The following TAFA5 variants were observed in gnomAD, a reference collection of about 807,000 sequenced individuals.
The protein encoded by TAFA5 is chemokine-like protein TAFA-5.
Under a neutral mutation model 15.3 loss-of-function variants are expected in TAFA5, and 6 were observed. The observed-to-expected ratio is 0.39, with a 90% CI of 0.21 to 0.77. The LOEUF (loss-of-function observed/expected upper bound fraction) is 0.77, where lower values mean the gene tolerates loss of function less well. TAFA5 is among the 30% of genes least tolerant of loss of function. The pLI, the probability that TAFA5 is intolerant of heterozygous loss-of-function variation, is 0.41. For synonymous variants in TAFA5, 103 were observed against 80.7 expected (o/e 1.28, Z -1.48); for missense variants, 161 against 193.1 (o/e 0.83, Z 0.98).
intron 1 of TAFA5, among the ~76,000 whole-genome samples, chr22:48,504,594 A>G (rs1920975775): frequency 6.9e-6 from 1 of 145,684 alleles, no homozygotes; most frequent in African/African-American, 2.8e-5. Context: ...GGAAGGACAC[A>G]GAGCTTCACA....
chr22:48,632,702 A>T (rs1390477789), intron 1 of TAFA5, among the ~76,000 whole-genome samples: 1 of 152,148 alleles, frequency 6.6e-6, no homozygotes, highest in Non-Finnish European at 1.5e-5. Context: ...GAGGTTTTTC[A>T]GTCATGGATG....
At chr22:48,655,155 G>A in intron 2 of TAFA5, among the ~76,000 whole-genome samples, 1 of 152,114 alleles carries the variant, frequency 6.6e-6, no homozygotes, top group Non-Finnish European at 1.5e-5. Flanking sequence ...GGCATGAGTG[G>A]GGGTCCACTC....
At chr22:48,693,391 A>T (rs1394973051) in intron 2 of TAFA5, 1 of 1,612,352 alleles carries the variant, frequency 6.2e-7, no homozygotes, top group Non-Finnish European at 8.5e-7. Context: ...GGTGAGTCGG[A>T]GATCCGTGCG....
intron 2 of TAFA5, among the ~76,000 whole-genome samples, chr22:48,692,979 C>T (rs1185190272): frequency 2.6e-5 from 4 of 152,196 alleles, no homozygotes; most frequent in Non-Finnish European, 5.9e-5. Flanking sequence ...ATCTTGAGAA[C>T]AGTGTAAGAA....
intron 2 of TAFA5, among the ~76,000 whole-genome samples, chr22:48,692,262 G>A (rs77720938): frequency 0.016 from 2,424 of 152,278 alleles, 105 homozygotes; most frequent in East Asian, 0.12. Flanking sequence ...CAGTAGGTCA[G>A]CAAATGGGGC....
chr22:48,725,302 A>AT (rs113463975), intron 3 of TAFA5, among the ~76,000 whole-genome samples: 2,645 of 150,258 alleles, frequency 0.018, 78 homozygotes, highest in African/African-American at 0.06. Context: ...TTAAAAGGGC[A>AT]TTTTTTTTTT....
intron 3 of TAFA5, among the ~76,000 whole-genome samples, chr22:48,723,185 G>C (rs961253975): frequency 2.6e-5 from 4 of 152,162 alleles, no homozygotes; most frequent in African/African-American, 9.7e-5. Flanking sequence ...CCAGATAGCA[G>C]CACACAGGAT....
At chr22:48,576,591 C>A in intron 1 of TAFA5, 1 of 1,432,692 alleles carries the variant, frequency 7.0e-7, no homozygotes, top group Non-Finnish European at 9.3e-7. Context: ...CCCGGGCGCG[C>A]GGACCGGTCC....
chr22:48,525,253 C>T (rs1330449770), intron 1 of TAFA5, among the ~76,000 whole-genome samples: 2 of 152,140 alleles, frequency 1.3e-5, no homozygotes, highest in African/African-American at 4.8e-5. Context: ...GGACATCCCT[C>T]GGCCCAGGGG....
intron 2 of TAFA5, among the ~76,000 whole-genome samples, chr22:48,699,944 C>G (rs1285907646): frequency 6.6e-6 from 1 of 152,144 alleles, no homozygotes; most frequent in Non-Finnish European, 1.5e-5. Context: ...TGAGCTCCTG[C>G]CTCTTCTTCC....
intron 3 of TAFA5, among the ~76,000 whole-genome samples, chr22:48,736,701 C>T (rs923306513): frequency 6.6e-6 from 1 of 152,200 alleles, no homozygotes; most frequent in Non-Finnish European, 1.5e-5. Flanking sequence ...GGATGAACCT[C>T]GGAAACATGA....
At chr22:48,642,815 G>A (rs562372800) in intron 1 of TAFA5, among the ~76,000 whole-genome samples, 4 of 152,202 alleles carry the variant, frequency 2.6e-5, no homozygotes, top group East Asian at 1.9e-4. Context: ...GTGTGTGCAC[G>A]TGTGTGGTGT....
intron 1 of TAFA5, chr22:48,576,389 G>A (rs1923801809): frequency 8.2e-7 from 1 of 1,226,204 alleles, no homozygotes; most frequent in Non-Finnish European, 1.0e-6. Context: ...GCGAGCGGGC[G>A]GCCGCGGAGG....
intron 2 of TAFA5, among the ~76,000 whole-genome samples, chr22:48,707,130 C>T (rs554964340): frequency 3.8e-4 from 58 of 152,234 alleles, no homozygotes; most frequent in Non-Finnish European, 5.3e-4. Flanking sequence ...TGGTGCTGGG[C>T]CGGCCCCAGG....
intron 1 of TAFA5, among the ~76,000 whole-genome samples, chr22:48,504,812 C>T (rs1294220668): frequency 3.9e-5 from 6 of 152,234 alleles, no homozygotes; most frequent in Admixed American, 1.3e-4. Flanking sequence ...CCCCTGCAGG[C>T]GATTGTGTTA....
intron 1 of TAFA5, among the ~76,000 whole-genome samples, chr22:48,620,944 C>A (rs1925800088): frequency 6.9e-6 from 1 of 144,342 alleles, no homozygotes; most frequent in African/African-American, 2.7e-5. Context: ...CCCCACCCAC[C>A]CTATCTATCC....
At chr22:48,575,666 G>A (rs1010220572) in intron 1 of TAFA5, among the ~76,000 whole-genome samples, 19 of 146,214 alleles carry the variant, frequency 1.3e-4, no homozygotes, top group African/African-American at 3.7e-4. Flanking sequence ...CGGTGGGCCC[G>A]GACCTAGTCC....
chr22:48,490,516 G>A lies in TAFA5; in HGVS notation c.112+812G>A, dbSNP rs942163383. Reference sequence around the variant, plus strand: ...AGGCGGGTGGAATGAGGGGTGGTTGGAGTCCCGGGTGCAGACTCCAGCCTC... The same window carrying A: ...AGGCGGGTGGAATGAGGGGTGGTTGAAGTCCCGGGTGCAGACTCCAGCCTC... On this transcript the variant is annotated intron_variant, in intron 1 of 3. Transcript: ENST00000402357. The surrounding 1 kb of genome is among the most constrained non-coding windows in gnomAD (Gnocchi z 5.8). Among the ~76,000 whole-genome samples the A allele has an allele frequency of 3.3e-5, 5 of 151,942 alleles. No individual in the cohort carries two copies. The highest frequency in any genetic ancestry group is 3.3e-4 in the Admixed American group (5 of 15,280).
intron 1 of TAFA5, among the ~76,000 whole-genome samples, chr22:48,516,665 G>A (rs552180201): frequency 3.3e-5 from 5 of 152,314 alleles, no homozygotes; most frequent in Admixed American, 6.5e-5. Flanking sequence ...GTCTGGGCTC[G>A]GGTCATGTGG....
Sources: gnomAD v4.1 joint callset for allele counts (sites outside exome capture counted in the v4.1 genomes callset) on GRCh38, gnomAD v4.1.1 for gene constraint, Gnocchi (gnomAD v3.1) non-coding constraint, MANE v1.5 for transcripts, NCBI Gene and HGNC (gene_info 2026-07-23, HGNC 2026-07-21) for gene names.